The following PBX4 variants were observed in gnomAD, a reference collection of about 807,000 sequenced individuals.
The protein encoded by PBX4 is PBX homeobox 4, also known as pre-B-cell leukemia transcription factor 4.
A neutral mutation model predicts 35.1 loss-of-function variants in PBX4; 26 were observed. That is an observed-to-expected ratio of 0.74 (90% CI 0.54 to 1.03). The LOEUF is 1.03. PBX4 is among the 50% of genes least tolerant of loss of function. The probability of loss-of-function intolerance (pLI) is 0.00; values close to 1 mark genes in which losing one functional copy is unlikely to be tolerated. For synonymous variants in PBX4, 199 were observed against 204.2 expected, an observed-to-expected ratio of 0.97 and a Z score of 0.22; for missense variants, 448 against 504.3, an observed-to-expected ratio of 0.89 and a Z score of 1.07.
chr19:19,579,974 G>A (rs1208905998), intron 2 of PBX4: 3 of 152,378 alleles, frequency 2.0e-5, no homozygotes, highest in African/African-American at 4.8e-5. Context: ...AATGAGCGTT[G>A]GAGACGGATT....
At chr19:19,599,011 C>G (rs898001097) in intron 2 of PBX4, among the ~76,000 whole-genome samples, 1 of 151,126 alleles carries the variant, frequency 6.6e-6, no homozygotes, top group Admixed American at 6.6e-5. Flanking sequence ...TCTTGTTGCC[C>G]AGGCTGGAGT....
At chr19:19,574,783 C>T (rs1455994107) in intron 2 of PBX4, among the ~76,000 whole-genome samples, 4 of 151,894 alleles carry the variant, frequency 2.6e-5, no homozygotes, top group African/African-American at 4.8e-5. Flanking sequence ...TACAAGCATG[C>T]GCCACCACGC....
intron 2 of PBX4, among the ~76,000 whole-genome samples, chr19:19,581,917 C>T (rs747828752): frequency 7.2e-5 from 11 of 152,188 alleles, no homozygotes; most frequent in East Asian, 5.8e-4. Flanking sequence ...CAGCAGGAGA[C>T]GAGACTGGCT....
intron 5 of PBX4, among the ~76,000 whole-genome samples, chr19:19,567,113 T>C (rs1424561780): frequency 2.0e-5 from 3 of 151,948 alleles, no homozygotes; most frequent in Non-Finnish European, 4.4e-5. Flanking sequence ...ACCCCGGGGG[T>C]GTGAGCAGCC....
chr19:19,570,854 C>T (rs377007718), intron 2 of PBX4, 21 bp from the exon 3 acceptor site: 1 of 1,606,854 alleles, frequency 6.2e-7, no homozygotes, highest in South Asian at 1.1e-5. Flanking sequence ...GAGACCGGGA[C>T]AAGTCACAAT....
chr19:19,597,685 T>C (rs1309583069), intron 2 of PBX4, among the ~76,000 whole-genome samples: 2 of 152,198 alleles, frequency 1.3e-5, no homozygotes, highest in Non-Finnish European at 2.9e-5. Context: ...ATTCAAATAA[T>C]TGACCTCAAG....
chr19:19,614,376 G>A (rs2061677932), intron 1 of PBX4, among the ~76,000 whole-genome samples: 1 of 151,856 alleles, frequency 6.6e-6, no homozygotes, highest in South Asian at 2.1e-4. Context: ...GCTCACGCCT[G>A]TAATCCCAAC....
chr19:19,580,881 C>T (rs530391566), intron 2 of PBX4, among the ~76,000 whole-genome samples: 2 of 152,326 alleles, frequency 1.3e-5, no homozygotes, highest in African/African-American at 2.4e-5. Context: ...TACAGGCATG[C>T]GCCACCCTGC....
chr19:19,603,088 C>T (rs1386471397), intron 1 of PBX4, among the ~76,000 whole-genome samples: 1 of 152,168 alleles, frequency 6.6e-6, no homozygotes, highest in Non-Finnish European at 1.5e-5. Flanking sequence ...TATAAAAGTT[C>T]TGGGCCGTGC....
At chr19:19,588,149 T>A (rs1256845000) in intron 2 of PBX4, 3 of 1,164,966 alleles carry the variant, frequency 2.6e-6, no homozygotes, top group Non-Finnish European at 3.8e-6. Flanking sequence ...GCTCCCCAAA[T>A]AGACAATCTT....
intron 2 of PBX4, among the ~76,000 whole-genome samples, chr19:19,575,085 T>C (rs1436047415): frequency 8.6e-5 from 13 of 151,712 alleles, no homozygotes; most frequent in African/African-American, 3.1e-4. Context: ...ACAAAAAAAA[T>C]AATTAGCCAG....
chr19:19,591,020 G>C (rs757863218), intron 2 of PBX4, among the ~76,000 whole-genome samples: 3 of 152,044 alleles, frequency 2.0e-5, no homozygotes, highest in South Asian at 4.1e-4. Context: ...ACAGCCCTGC[G>C]TTGAGTATCT....
intron 1 of PBX4, among the ~76,000 whole-genome samples, chr19:19,601,309 A>C (rs2061595939): frequency 6.6e-6 from 1 of 152,214 alleles, no homozygotes; most frequent in African/African-American, 2.4e-5. Context: ...CACTGGGTTC[A>C]GTACTGGCTG....
intron 3 of PBX4, 71 bp from the exon 4 acceptor site, chr19:19,570,370 G>A: frequency 6.6e-7 from 1 of 1,512,448 alleles, no homozygotes; most frequent in South Asian, 1.3e-5. Flanking sequence ...AGGTTCCACA[G>A]CGGAGCAGCC....
In PBX4 at chr19:19,563,632, C is replaced by G. The variant is rs138673409; in HGVS notation, c.926-17G>C. 1.7e-4 allele frequency: 269 copies of G among 1,544,902 alleles called. 1 individual carries two copies. In the African/African-American group the frequency reaches 3.2e-3, roughly 18 times the overall value. On this transcript the variant is annotated splice_polypyrimidine_tract_variant and intron_variant, in intron 6 of 7. Coordinates refer to ENST00000251203, the MANE Select transcript of PBX4 (RefSeq NM_025245.3). The surrounding 1 kb of genome is among the most constrained non-coding windows in gnomAD (Gnocchi z 5.1). ...CAGAGGAGCCTGGAAGAGATGGGAG[C>G]CGGGGTGGGCAGAGTCGTGGCGCCT... is the stretch of plus-strand genomic sequence containing the variant.
intron 5 of PBX4, among the ~76,000 whole-genome samples, chr19:19,565,532 C>G (rs1244780609): frequency 3.3e-5 from 5 of 152,226 alleles, no homozygotes; most frequent in Admixed American, 3.3e-4. Flanking sequence ...CAAATGAAAA[C>G]AAGGTGAACT....
chr19:19,592,189 A>G (rs921581411), intron 2 of PBX4, among the ~76,000 whole-genome samples: 1 of 152,150 alleles, frequency 6.6e-6, no homozygotes, highest in Non-Finnish European at 1.5e-5. Context: ...GGCCAACGTG[A>G]CACATCTTAA....
chr19:19,585,996 AC>A (rs2061486715), intron 2 of PBX4, among the ~76,000 whole-genome samples: 1 of 152,242 alleles, frequency 6.6e-6, no homozygotes, highest in Non-Finnish European at 1.5e-5. Flanking sequence ...TGCTGGAACC[AC>A]AATCAAATAT....
rs183868687 is a variant in PBX4 at position 19,579,265 on chromosome 19, C to T, written c.194-8432G>A. On this transcript the variant is annotated intron_variant, in intron 2 of 7. Coordinates refer to ENST00000251203, the MANE Select transcript of PBX4 (RefSeq NM_025245.3). The stretch of plus-strand genomic sequence containing the variant: ...TCAGGAGGCTGAGGCAGAAGAATCG[C>T]TTAAACCTGGGAGGCGGAGGTTGCA... 7.7e-3 allele frequency among the ~76,000 whole-genome samples: 1,172 copies of T among 151,962 alleles called. 8 individuals are homozygous for T. The highest frequency in any genetic ancestry group is 0.012 in the Non-Finnish European group (800 of 67,978).
Sources: allele counts gnomAD v4.1 joint callset (sites outside exome capture counted in the v4.1 genomes callset), GRCh38; gene constraint gnomAD v4.1.1; non-coding constraint Gnocchi (gnomAD v3.1); transcripts MANE v1.5; gene names NCBI Gene and HGNC (gene_info 2026-07-23, HGNC 2026-07-21).